Variants in UTP20 observed in about 807,000 individuals in gnomAD.
UTP20 encodes UTP20 small subunit processome component, also known as small subunit processome component 20 homolog.
Under a neutral mutation model 329.5 loss-of-function variants are expected in UTP20, and 164 were observed. That is an observed-to-expected ratio of 0.50 (90% CI 0.44 to 0.57). UTP20 has a LOEUF of 0.57. Ranked by LOEUF, UTP20 falls within the 20% of genes least tolerant of loss-of-function variation. The pLI is 0.00. For missense variants in UTP20, 3,055 were observed against 3,284.2 expected (o/e 0.93, Z 1.71); for synonymous variants, 1,151 against 1,159.3 (o/e 0.99, Z 0.14).
chr12:101,364,415 A>G (rs948102778), intron 45 of UTP20, among the ~76,000 whole-genome samples: 1 of 152,192 alleles, frequency 6.6e-6, no homozygotes, highest in African/African-American at 2.4e-5. Flanking sequence ...TAATCTGCAC[A>G]CCCTGTGAGA....
intron 12 of UTP20, among the ~76,000 whole-genome samples, chr12:101,296,207 T>G (rs1413281611): frequency 6.6e-6 from 1 of 152,224 alleles, no homozygotes; most frequent in Non-Finnish European, 1.5e-5. Flanking sequence ...TGTGTTGATT[T>G]GTAACCACCA....
chr12:101,364,855 A>T (rs1870041459), intron 45 of UTP20, among the ~76,000 whole-genome samples: 1 of 152,122 alleles, frequency 6.6e-6, no homozygotes, highest in South Asian at 2.1e-4. Flanking sequence ...TATATCCGTG[A>T]TGTATATTAA....
chr12:101,290,374 A>G, intron 7 of UTP20, 100 bp downstream of exon 7: 1 of 1,370,690 alleles, frequency 7.3e-7, no homozygotes, highest in Non-Finnish European at 9.7e-7. Flanking sequence ...AGCCTAGAGT[A>G]CATAGCACTA....
rs780533283 is a variant in UTP20 at position 101,370,407 on chromosome 12, T to C, written c.6556-25T>C. ...TCCCAACTGTGGGATGTGCTGGCTG[T>C]TAACATCACTATTGTAACTTGCAGT... On this transcript the variant is annotated intron_variant, in intron 49 of 61. Transcript: ENST00000261637. 5.9e-5 allele frequency: 94 copies of C among 1,606,256 alleles called. 1 individual carries two copies. The Admixed American group carries it at 1.4e-3, about 25-fold the overall frequency.
chr12:101,376,671 G>A (rs560341902), intron 56 of UTP20, among the ~76,000 whole-genome samples: 1 of 152,046 alleles, frequency 6.6e-6, no homozygotes, highest in Admixed American at 6.5e-5. Context: ...TTTTGAGACA[G>A]TGTCTCGCTC....
intron 11 of UTP20, 36 bp downstream of exon 11, chr12:101,293,281 A>G (rs764306745): frequency 1.7e-5 from 27 of 1,587,362 alleles, no homozygotes; most frequent in Non-Finnish European, 2.3e-5. Flanking sequence ...ATTTTTAAAA[A>G]CAAATCTGTC....
intron 25 of UTP20, among the ~76,000 whole-genome samples, chr12:101,323,636 A>AT (rs978345623): frequency 6.6e-5 from 10 of 151,468 alleles, no homozygotes; most frequent in Admixed American, 2.6e-4. Context: ...TTCTCATGAA[A>AT]TTTTTTTTTA....
At position 101,338,415 on chromosome 12, in the gene UTP20, T is replaced by C. The variant is rs907342860; in HGVS notation, c.3868+138T>C. The C allele has an allele frequency of 7.7e-6, 6 of 780,054 alleles. No individual in the cohort carries two copies. In the African/African-American group the frequency reaches 1.1e-4, roughly 14 times the overall value. 48.3% of individuals were successfully genotyped at this position (780,054 alleles called of 1,614,324 possible). On this transcript the variant is annotated intron_variant, in intron 30 of 61. Coordinates refer to ENST00000261637, the MANE Select transcript of UTP20 (RefSeq NM_014503.3). ...GTTTCTTTTCCCTGGGAACTAATAC[T>C]AATTTATATAAACTGAATTTTCTTT...
intron 25 of UTP20, among the ~76,000 whole-genome samples, chr12:101,326,600 C>T (rs765009551): frequency 9.7e-4 from 147 of 151,864 alleles, no homozygotes; most frequent in Non-Finnish European, 1.6e-3. Flanking sequence ...CAATTGTATT[C>T]TCTTATTTCC....
At chr12:101,286,224 A>T in intron 4 of UTP20, 97 bp from the exon 5 acceptor site, 2 of 1,099,948 alleles carry the variant, frequency 1.8e-6, no homozygotes, top group Non-Finnish European at 2.6e-6. Context: ...ATTTTTATTT[A>T]ATTAATCCTA....
At chr12:101,373,065 C>A in intron 52 of UTP20, 102 bp downstream of exon 52, 2 of 962,930 alleles carry the variant, frequency 2.1e-6, no homozygotes, top group Non-Finnish European at 3.3e-6. Flanking sequence ...TATAATGGTA[C>A]ATTCTCTGAG....
At chr12:101,368,665 T>C (rs1444708698) in intron 48 of UTP20, among the ~76,000 whole-genome samples, 1 of 152,302 alleles carries the variant, frequency 6.6e-6, no homozygotes, top group Non-Finnish European at 1.5e-5. Context: ...TACTGCTCCA[T>C]GCTATGAATC....
intron 17 of UTP20, among the ~76,000 whole-genome samples, 170 bp downstream of exon 17, chr12:101,306,931 T>C (rs1053395883): frequency 3.3e-5 from 5 of 152,144 alleles, no homozygotes; most frequent in Non-Finnish European, 5.9e-5. Flanking sequence ...CCCAGCACTT[T>C]GGGAGGCCGA....
intron 10 of UTP20, among the ~76,000 whole-genome samples, chr12:101,292,440 G>A (rs1355087345): frequency 6.6e-6 from 1 of 152,188 alleles, no homozygotes; most frequent in East Asian, 1.9e-4. Flanking sequence ...ATGCCTGCAG[G>A]TTTTGATAGT....
At chr12:101,320,784 CA>C in intron 23 of UTP20, 67 bp from the exon 24 acceptor site, 1 of 1,342,174 alleles carries the variant, frequency 7.5e-7, no homozygotes, top group Non-Finnish European at 1.0e-6. Context: ...CAAATAACCA[CA>C]AGTAAATTGC....
chr12:101,280,322 T>G lies in UTP20; in HGVS notation c.40T>G (p.Tyr14Asp), dbSNP rs1327668743. The G allele has an allele frequency of 6.5e-7, 1 of 1,548,582 alleles. No individual in the cohort carries two copies. The change falls in exon 1 of 62, where the codon TAC (tyrosine) becomes GAC (aspartate). Residue 14 changes from tyrosine (Y) to aspartate (D), a missense_variant. Coordinates refer to ENST00000261637, the MANE Select transcript of UTP20 (RefSeq NM_014503.3). ...CGTTTCCCACAAGACCGAGAACACC[T>G]ACCGGGTGAGCGCGGGAGCTTAGGC... ...KPVSHKTENT[Y>D]RFLTFAERLG...
At chr12:101,328,739 G>A (rs1337145198) in intron 26 of UTP20, among the ~76,000 whole-genome samples, 2 of 151,852 alleles carry the variant, frequency 1.3e-5, no homozygotes, top group Admixed American at 1.3e-4. Context: ...TGTGGTGGTG[G>A]GCACCTATAA....
At chr12:101,300,253 G>A (rs1451967271) in intron 14 of UTP20, among the ~76,000 whole-genome samples, 192 bp downstream of exon 14, 1 of 152,158 alleles carries the variant, frequency 6.6e-6, no homozygotes, top group Non-Finnish European at 1.5e-5. Context: ...ACTGGGTCAC[G>A]GTGGCTTGAG....
chr12:101,285,542 G>A, intron 2 of UTP20, 28 bp from the exon 3 acceptor site: 2 of 1,608,376 alleles, frequency 1.2e-6, no homozygotes, highest in African/African-American at 1.3e-5. Flanking sequence ...AGAGTTATTT[G>A]ATTAATGGAC....
Sources: allele counts gnomAD v4.1 joint callset (sites outside exome capture counted in the v4.1 genomes callset), GRCh38; gene constraint gnomAD v4.1.1; transcripts MANE v1.5; gene names NCBI Gene and HGNC (gene_info 2026-07-23, HGNC 2026-07-21).